Variants in NFIA observed in about 807,000 individuals in gnomAD.
The protein encoded by NFIA is nuclear factor I A.
NFIA carries 8 observed loss-of-function variants against 62.8 expected under a neutral mutation model. The observed-to-expected ratio is 0.13, with a 90% CI of 0.07 to 0.23. The LOEUF (loss-of-function observed/expected upper bound fraction) is 0.23. NFIA is among the 10% of genes least tolerant of loss of function. The pLI is 1.00. For synonymous variants in NFIA, 235 were observed against 238.1 expected, an observed-to-expected ratio of 0.99 and a Z score of 0.12; for missense variants, 410 against 642.1, an observed-to-expected ratio of 0.64 and a Z score of 3.91.
chr1:61,270,318 GCA>G (rs1455813291), intron 2 of NFIA, among the ~76,000 whole-genome samples: 2 of 152,108 alleles, frequency 1.3e-5, no homozygotes, highest in African/African-American at 4.8e-5. Context: ...CTGAGATCCA[GCA>G]CAGTTAAATT....
intron 2 of NFIA, among the ~76,000 whole-genome samples, chr1:61,255,255 A>G (rs149559549): frequency 3.1e-3 from 471 of 152,336 alleles, no homozygotes; most frequent in Non-Finnish European, 5.4e-3. Flanking sequence ...GACATTTCCC[A>G]CAGTCTGAGA....
chr1:61,446,022 G>A (rs1200212611), intron 10 of NFIA, among the ~76,000 whole-genome samples: 1 of 151,418 alleles, frequency 6.6e-6, no homozygotes, highest in Non-Finnish European at 1.5e-5. Context: ...CCCTGTGAAC[G>A]ATTAGAAAAA....
At chr1:61,123,953 A>G (rs1646928952) in intron 2 of NFIA, among the ~76,000 whole-genome samples, 1 of 152,244 alleles carries the variant, frequency 6.6e-6, no homozygotes, top group South Asian at 2.1e-4. Flanking sequence ...AGCTTTTATC[A>G]AATTATTTAA....
intron 2 of NFIA, among the ~76,000 whole-genome samples, chr1:61,216,824 A>G (rs1010972888): frequency 4.0e-5 from 6 of 151,796 alleles, no homozygotes; most frequent in Admixed American, 3.9e-4. Flanking sequence ...AAATGGTGGA[A>G]CCCCGTCTAT....
chr1:61,091,178 C>T (rs1646313389), intron 2 of NFIA, among the ~76,000 whole-genome samples: 1 of 152,044 alleles, frequency 6.6e-6, no homozygotes, highest in Non-Finnish European at 1.5e-5. Context: ...TTTTTCCTTT[C>T]CAGAATGCCT....
intron 2 of NFIA, among the ~76,000 whole-genome samples, chr1:61,143,179 G>A (rs879256474): frequency 5.9e-5 from 9 of 152,076 alleles, no homozygotes; most frequent in East Asian, 1.9e-4. Context: ...ATTAGTCAGC[G>A]TGGCATCAGA....
chr1:61,086,234 C>T (rs564267673), intron 1 of NFIA, among the ~76,000 whole-genome samples: 1 of 152,098 alleles, frequency 6.6e-6, no homozygotes, highest in African/African-American at 2.4e-5. Context: ...ATAAGAAAAT[C>T]AGTCAATGTG....
At chr1:61,184,974 T>C (rs979948480) in intron 2 of NFIA, among the ~76,000 whole-genome samples, 6 of 152,246 alleles carry the variant, frequency 3.9e-5, no homozygotes, top group Admixed American at 3.3e-4. Context: ...TCTCTGTGTC[T>C]GAGCAGAATG....
intron 7 of NFIA, among the ~76,000 whole-genome samples, chr1:61,395,288 GTT>G (rs1303184667): frequency 1.0e-4 from 14 of 135,632 alleles, no homozygotes; most frequent in Admixed American, 2.9e-4. Context: ...GTGTGTGTGT[GTT>G]TTTTTTTTTT....
rs1308977398 is a variant in NFIA at position 61,082,618 on chromosome 1, G to A, written c.-174G>A. 4.0e-6 allele frequency: 6 copies of A among 1,502,260 alleles called. No homozygotes were observed. In the African/African-American group the frequency reaches 8.4e-5, roughly 21 times the overall value. The allele number at this position is 1,502,260 out of a possible 1,614,324, so 93.1% of individuals were successfully genotyped here. On this transcript the variant is annotated 5_prime_UTR_variant, in exon 1 of 11. Transcript: ENST00000403491. The stretch of plus-strand genomic sequence containing the variant: ...GCGCTGGCTGGCTGGCTGCAGTTGA[G>A]CCGACTTGGAAATGTGAACGCAAGA...
intron 3 of NFIA, among the ~76,000 whole-genome samples, chr1:61,315,041 A>G (rs1660298812): frequency 8.6e-6 from 1 of 116,884 alleles, no homozygotes; most frequent in Non-Finnish European, 1.9e-5. Context: ...CACCTGAAAC[A>G]AAAAAAAACA....
At chr1:61,200,387 T>A (rs755020085) in intron 2 of NFIA, among the ~76,000 whole-genome samples, 5 of 151,944 alleles carry the variant, frequency 3.3e-5, no homozygotes, top group Non-Finnish European at 7.4e-5. Context: ...CTAAAATTAA[T>A]CAACACATTT....
chr1:61,286,435 A>G (rs569580257), intron 3 of NFIA, among the ~76,000 whole-genome samples: 3 of 151,928 alleles, frequency 2.0e-5, no homozygotes, highest in East Asian at 1.9e-4. Flanking sequence ...CTCAAAAAAA[A>G]AAAAAAAAAT....
chr1:61,122,309 G>A (rs991147467), intron 2 of NFIA, among the ~76,000 whole-genome samples: 18 of 152,170 alleles, frequency 1.2e-4, no homozygotes, highest in African/African-American at 4.1e-4. Flanking sequence ...TTATAAACTG[G>A]TAAAGAGTTA....
intron 2 of NFIA, among the ~76,000 whole-genome samples, chr1:61,100,987 G>A (rs540301528): frequency 3.3e-5 from 5 of 150,536 alleles, no homozygotes; most frequent in East Asian, 2.0e-4. Context: ...GAATTCTATC[G>A]TTTGACTATA....
At chr1:61,095,254 T>A (rs1364367101) in intron 2 of NFIA, among the ~76,000 whole-genome samples, 3 of 152,226 alleles carry the variant, frequency 2.0e-5, no homozygotes, top group Non-Finnish European at 4.4e-5. Flanking sequence ...ATTGAATGTC[T>A]GTTCTGCAGC....
chr1:61,131,317 T>A (rs1274162895), intron 2 of NFIA, among the ~76,000 whole-genome samples: 3 of 152,232 alleles, frequency 2.0e-5, no homozygotes, highest in Non-Finnish European at 4.4e-5. Context: ...ATTAATGTTA[T>A]AATTAAAAAC....
At chr1:61,427,593 G>A (rs1666926357) in intron 10 of NFIA, among the ~76,000 whole-genome samples, 1 of 152,234 alleles carries the variant, frequency 6.6e-6, no homozygotes, top group South Asian at 2.1e-4. Context: ...GCCTTCCTGG[G>A]TCCATTTGCC....
chr1:61,306,152 CT>C (rs1189545763), intron 3 of NFIA, among the ~76,000 whole-genome samples: 2 of 151,050 alleles, frequency 1.3e-5, no homozygotes, highest in Non-Finnish European at 2.9e-5. Flanking sequence ...ACCCAGCCTT[CT>C]TTTGATTGTT....
Sources: allele counts gnomAD v4.1 joint callset (sites outside exome capture counted in the v4.1 genomes callset), GRCh38; gene constraint gnomAD v4.1.1; transcripts MANE v1.5; gene names NCBI Gene and HGNC (gene_info 2026-07-23, HGNC 2026-07-21).